Variants in VPS53 observed in about 807,000 individuals in gnomAD.
VPS53 encodes the protein vacuolar protein sorting-associated protein 53 homolog.
VPS53 carries 70 observed loss-of-function variants against 107.0 expected under a neutral mutation model. That is an observed-to-expected ratio of 0.65 (90% CI 0.54 to 0.80). The LOEUF (loss-of-function observed/expected upper bound fraction) is 0.80, where lower values mean the gene tolerates loss of function less well. VPS53 is among the 30% of genes least tolerant of loss of function. The pLI, the probability that VPS53 is intolerant of heterozygous loss-of-function variation, is 0.00. For synonymous variants in VPS53, 409 were observed against 393.3 expected, an observed-to-expected ratio of 1.04 and a Z score of -0.47; for missense variants, 917 against 1,049.4, an observed-to-expected ratio of 0.87 and a Z score of 1.74.
chr17:568,250 A>T (rs1465187063), intron 13 of VPS53, among the ~76,000 whole-genome samples: 2 of 151,956 alleles, frequency 1.3e-5, no homozygotes, highest in Non-Finnish European at 2.9e-5. Flanking sequence ...TAACTTATTT[A>T]TTTATTTTTT....
Position 572,529 on chromosome 17 carries a change from G to T in VPS53, c.1314-9784C>A, listed in dbSNP as rs1225980559. Among the ~76,000 whole-genome samples the T allele has an allele frequency of 4.6e-5, 7 of 152,146 alleles. No homozygotes were observed. The East Asian group carries it at 1.4e-3, about 29-fold the overall frequency. ...TCTGCCCAGCGCGTCTGGGACGTGT[G>T]CCCAAGAGCTTATTGAGAACGGGCC... is the stretch of plus-strand genomic sequence containing the variant. On this transcript the variant is annotated intron_variant, in intron 13 of 21. Transcript: ENST00000437048.
chr17:640,876 C>T (rs79823562), intron 7 of VPS53, among the ~76,000 whole-genome samples: 14,587 of 151,470 alleles, frequency 0.096, 804 homozygotes, highest in East Asian at 0.21. Context: ...TTTTTTGAGA[C>T]GAAGTCTCAC....
chr17:539,707 G>T (rs1452587129), intron 17 of VPS53, among the ~76,000 whole-genome samples: 1 of 152,166 alleles, frequency 6.6e-6, no homozygotes, highest in Non-Finnish European at 1.5e-5. Context: ...TCCCCCATGG[G>T]TGACTGAAGG....
intron 10 of VPS53, among the ~76,000 whole-genome samples, chr17:625,000 T>G (rs1271959446): frequency 6.7e-6 from 1 of 149,420 alleles, no homozygotes; most frequent in Non-Finnish European, 1.5e-5. Context: ...CTCTTCTTTT[T>G]TTTTTTTTGA....
In VPS53 at chr17:628,164, A is replaced by C. The variant is rs766041412; in HGVS notation, c.755T>G (p.Ile252Ser). Reference protein sequence around the residue: ...CLVANILDPRIKQEIIKKFIK... With the variant: ...CLVANILDPRSKQEIIKKFIK... ...AAACTTTTTGATGATTTCCTGTTTG[A>C]TCCTGGGATCTAGAATATTAGCAAC... The change falls in exon 9 of 22, where the codon ATC (isoleucine) becomes AGC (serine). Residue 252 changes from isoleucine (I) to serine (S), a missense_variant. By Grantham distance (142) the Ile-to-Ser change is moderately radical (BLOSUM62 -2). Transcript: ENST00000437048. 3 of 1,613,974 alleles carry C rather than the reference A, an allele frequency of 1.9e-6. No individual in the cohort carries two copies. The South Asian group carries it at 3.3e-5, about 18-fold the overall frequency.
chr17:611,777 G>C (rs1968889007), intron 11 of VPS53, among the ~76,000 whole-genome samples: 1 of 150,734 alleles, frequency 6.6e-6, no homozygotes. Context: ...CACATAGTGA[G>C]TTCACACAGT....
rs533714035 is a variant in VPS53, at chr17:662,494, C to T, written c.286-599G>A. Among the ~76,000 whole-genome samples the T allele has an allele frequency of 1.9e-3, 296 of 152,082 alleles. 1 individual carries two copies. Among genetic ancestry groups the T allele is most frequent in the Middle Eastern group, 6.8e-3 (2 of 294 alleles). ...CACGAGGTCAGGAGATCAAGACCAT[C>T]CTGGCTAACACGGTGAAACCCCATC... On this transcript the variant is annotated intron_variant, in intron 4 of 21. Coordinates refer to ENST00000437048, the MANE Select transcript of VPS53 (RefSeq NM_001128159.3).
At chr17:588,515 T>TA (rs1967452564) in intron 12 of VPS53, among the ~76,000 whole-genome samples, 1 of 152,208 alleles carries the variant, frequency 6.6e-6, no homozygotes, top group African/African-American at 2.4e-5. Context: ...AACTGATTTG[T>TA]AAAAAATGAT....
chr17:602,917 TG>T (rs1206216555), intron 11 of VPS53, among the ~76,000 whole-genome samples: 1 of 152,054 alleles, frequency 6.6e-6, no homozygotes, highest in Non-Finnish European at 1.5e-5. Flanking sequence ...TGCTTGGTGC[TG>T]GGGACGAGGG....
chr17:588,318 A>AAAACAAAC (rs71371552), intron 12 of VPS53, among the ~76,000 whole-genome samples: 24 of 151,770 alleles, frequency 1.6e-4, no homozygotes, highest in Non-Finnish European at 2.4e-4. Flanking sequence ...CTCCATTTCA[A>AAAACAAAC]AAACAAACAA....
intron 4 of VPS53, among the ~76,000 whole-genome samples, chr17:673,508 T>C (rs969264404): frequency 1.3e-5 from 2 of 152,236 alleles, no homozygotes; most frequent in Non-Finnish European, 2.9e-5. Context: ...CCACTCCCCA[T>C]GATGGTGCTC....
At chr17:711,827 T>G (rs571760741) in intron 1 of VPS53, among the ~76,000 whole-genome samples, 1 of 151,878 alleles carries the variant, frequency 6.6e-6, no homozygotes, top group African/African-American at 2.4e-5. Context: ...ATTTTTTTTT[T>G]TTTTTTTGAC....
chr17:619,313 A>G (rs2143018845), intron 11 of VPS53, among the ~76,000 whole-genome samples: 1 of 145,744 alleles, frequency 6.9e-6, no homozygotes, highest in Admixed American at 6.9e-5. Flanking sequence ...CTGGGACTAC[A>G]GGCGCGCACC....
intron 11 of VPS53, among the ~76,000 whole-genome samples, chr17:618,847 A>C (rs1330614779): frequency 1.5e-5 from 2 of 136,722 alleles, no homozygotes; most frequent in Non-Finnish European, 3.1e-5. Flanking sequence ...GTGCACCACC[A>C]CACCTGCTAA....
chr17:562,326 T>C (rs1025752666), intron 14 of VPS53, among the ~76,000 whole-genome samples, 177 bp downstream of exon 14: 1 of 152,182 alleles, frequency 6.6e-6, no homozygotes, highest in East Asian at 1.9e-4. Flanking sequence ...TCTGATGGTC[T>C]TGATCAGCTG....
intron 1 of VPS53, among the ~76,000 whole-genome samples, chr17:713,051 C>A (rs1207754820): frequency 6.6e-6 from 1 of 152,104 alleles, no homozygotes. Flanking sequence ...TGGAAAAACA[C>A]ACATCGAAGC....
At chr17:658,699 G>C (rs1409947717) in intron 5 of VPS53, among the ~76,000 whole-genome samples, 11 of 147,830 alleles carry the variant, frequency 7.4e-5, no homozygotes, top group South Asian at 2.2e-4. Flanking sequence ...ACACTCGGCC[G>C]TGAGTTCGTG....
intron 13 of VPS53, among the ~76,000 whole-genome samples, chr17:574,010 C>T (rs1039913974): frequency 1.3e-5 from 2 of 152,168 alleles, no homozygotes; most frequent in Non-Finnish European, 2.9e-5. Flanking sequence ...TTGACAAGAG[C>T]GTCGATGCTT....
intron 1 of VPS53, among the ~76,000 whole-genome samples, chr17:713,021 A>G (rs12940579): frequency 0.15 from 23,423 of 152,078 alleles, 1,942 homozygotes; most frequent in South Asian, 0.23. Context: ...AGTTGGTTGT[A>G]TAAGTAATCC....
Sources: allele counts gnomAD v4.1 joint callset (sites outside exome capture counted in the v4.1 genomes callset), GRCh38; gene constraint gnomAD v4.1.1; transcripts MANE v1.5; gene names NCBI Gene and HGNC (gene_info 2026-07-23, HGNC 2026-07-21).